JADE3: variants seen among roughly 807,000 people sequenced by gnomAD.
JADE3 encodes the protein protein Jade-3.
JADE3 carries 2 observed loss-of-function variants against 50.1 expected under a neutral mutation model. The observed-to-expected ratio is 0.04, with a 90% CI of 0.02 to 0.13. JADE3 has a LOEUF of 0.13. Ranked by LOEUF, JADE3 falls within the 10% of genes least tolerant of loss-of-function variation. The pLI is 1.00. For synonymous variants in JADE3, 218 were observed against 232.9 expected (o/e 0.94, Z 0.58); for missense variants, 475 against 634.4 (o/e 0.75, Z 2.70).
chrX:46,923,362 C>T (rs1047335750), intron 1 of JADE3, among the ~76,000 whole-genome samples: 8 of 85,678 alleles, frequency 9.3e-5, no homozygotes, highest in Non-Finnish European at 1.9e-4. Context: ...GCTGTGGGTA[C>T]CAGAGATTTC....
chrX:46,954,802 A>T (rs201733812), intron 1 of JADE3, among the ~76,000 whole-genome samples: 1 of 111,680 alleles, frequency 9.0e-6, no homozygotes, highest in Non-Finnish European at 1.9e-5. Context: ...TGATCTGCCC[A>T]CCTTGGCCTC....
chrX:46,970,983 T>C (rs1556350112), intron 1 of JADE3, among the ~76,000 whole-genome samples: 1 of 111,316 alleles, frequency 9.0e-6, no homozygotes, highest in African/African-American at 3.3e-5. Context: ...GCATCTCTTA[T>C]TGATTTACTT....
At chrX:46,973,706 C>T (rs1248774514) in intron 1 of JADE3, among the ~76,000 whole-genome samples, 2 of 112,260 alleles carry the variant, frequency 1.8e-5, no homozygotes, top group Non-Finnish European at 3.8e-5. Flanking sequence ...AACTGTCTTA[C>T]TATAGAGGTT....
chrX:46,948,499 C>G (rs1379532329), intron 1 of JADE3, among the ~76,000 whole-genome samples: 2 of 111,540 alleles, frequency 1.8e-5, no homozygotes, highest in East Asian at 5.6e-4. Flanking sequence ...TTAAGTGTTC[C>G]TAATCATTGG....
At chrX:46,915,730 T>C (rs1222957921) in intron 1 of JADE3, among the ~76,000 whole-genome samples, 1 of 109,237 alleles carries the variant, frequency 9.2e-6, no homozygotes, top group East Asian at 2.8e-4. Context: ...CCATTAGAAC[T>C]GCCTCTGTGC....
At chrX:47,010,569 A>T (rs1556361375) in intron 4 of JADE3, among the ~76,000 whole-genome samples, 1 of 112,028 alleles carries the variant, frequency 8.9e-6, no homozygotes. Flanking sequence ...TCACCCTTTT[A>T]AATTATATGG....
At chrX:47,040,786 T>C (rs2146984093) in intron 8 of JADE3, among the ~76,000 whole-genome samples, 1 of 111,034 alleles carries the variant, frequency 9.0e-6, no homozygotes, top group African/African-American at 3.3e-5. Context: ...GGCATGATAA[T>C]ATTTTCCAGG....
At chrX:46,986,751 C>T (rs1556354671) in intron 3 of JADE3, among the ~76,000 whole-genome samples, 1 of 111,778 alleles carries the variant, frequency 8.9e-6, no homozygotes, top group East Asian at 2.8e-4. Context: ...ATCTTTTCCA[C>T]AAAGGGCAGC....
intron 1 of JADE3, among the ~76,000 whole-genome samples, chrX:46,980,111 C>T (rs906214050): frequency 9.1e-6 from 1 of 109,390 alleles, no homozygotes; most frequent in African/African-American, 3.3e-5. Context: ...AACTCCTGAC[C>T]TCAAATGATC....
chrX:47,055,998 G>T, intron 9 of JADE3, 84 bp from the exon 10 acceptor site: 4 of 566,479 alleles, frequency 7.1e-6, no homozygotes, highest in Non-Finnish European at 9.0e-6. Flanking sequence ...CTGACTTTAG[G>T]TCTTTATTTT....
intron 1 of JADE3, among the ~76,000 whole-genome samples, chrX:46,918,580 C>T (rs782369692): frequency 8.9e-6 from 1 of 112,185 alleles, no homozygotes; most frequent in South Asian, 3.7e-4. Flanking sequence ...AGGCCACAAA[C>T]ATATTTACTT....
rs188287622 is a variant in JADE3, at chrX:46,922,179, G to C, written c.-12+9460G>C. ...GAATGAGAACATGTGGTGTTTGGCT[G>C]TCTGTTCCCGCGTTAGTTTGAGGCT... On this transcript the variant is annotated intron_variant, in intron 1 of 10. Coordinates refer to ENST00000614628, the MANE Select transcript of JADE3 (RefSeq NM_014735.5). Among the ~76,000 whole-genome samples, 365 of 110,133 alleles carry C rather than the reference G, an allele frequency of 3.3e-3. 1 individual carries two copies. The highest frequency in any genetic ancestry group is 0.012 in the African/African-American group (350 of 30,231).
At chrX:46,992,008 C>T (rs782212771) in intron 3 of JADE3, among the ~76,000 whole-genome samples, 8 of 110,525 alleles carry the variant, frequency 7.2e-5, no homozygotes, top group Non-Finnish European at 1.3e-4. Flanking sequence ...TGCCACTGCC[C>T]CCTGTTCCCT....
At chrX:46,948,545 A>C (rs781975193) in intron 1 of JADE3, among the ~76,000 whole-genome samples, 1 of 112,259 alleles carries the variant, frequency 8.9e-6, no homozygotes, top group Admixed American at 9.5e-5. Flanking sequence ...TATATTATTG[A>C]TAGTTCAGCA....
chrX:46,963,019 AGTAGAGACGGG>A (rs1927295553), intron 1 of JADE3, among the ~76,000 whole-genome samples: 2 of 110,866 alleles, frequency 1.8e-5, no homozygotes, highest in South Asian at 7.7e-4. Flanking sequence ...TTGTATTGTT[AGTAGAGACGGG>A]GTTTCACCAT....
At chrX:46,988,861 A>G (rs1240343415) in intron 3 of JADE3, among the ~76,000 whole-genome samples, 1 of 112,048 alleles carries the variant, frequency 8.9e-6, no homozygotes, top group Non-Finnish European at 1.9e-5. Context: ...TTATTTTGAG[A>G]CGGAGTCTCG....
intron 1 of JADE3, among the ~76,000 whole-genome samples, chrX:46,921,564 C>CG (rs1331244440): frequency 8.9e-6 from 1 of 111,814 alleles, no homozygotes; most frequent in Non-Finnish European, 1.9e-5. Flanking sequence ...AGAAGGCCAA[C>CG]GTGCACGATT....
Position 47,058,662 on chromosome X carries a change from T to A in JADE3, c.2057T>A (p.Met686Lys), listed in dbSNP as rs781838736. 2 of 1,211,519 alleles carry A rather than the reference T, an allele frequency of 1.7e-6. No homozygotes were observed. The highest frequency in any genetic ancestry group is 4.3e-5 in the Admixed American group (2 of 45,984). The change falls in exon 11 of 11, where the codon ATG becomes AAG. Residue 686 changes from methionine (M) to lysine (K), a missense_variant. Met to Lys is a moderately conservative substitution (Grantham distance 95). Coordinates refer to ENST00000614628, the MANE Select transcript of JADE3 (RefSeq NM_014735.5). ...ACCCAAAAAGACAGCTCGAGTGAGA[T>A]GTTCTGTGACCAGGAGCCTGTGTTC... ...NVTQKDSSSE[M>K]FCDQEPVFSP...
At chrX:46,948,961 A>G (rs1392384147) in intron 1 of JADE3, among the ~76,000 whole-genome samples, 2 of 110,985 alleles carry the variant, frequency 1.8e-5, no homozygotes, top group African/African-American at 6.5e-5. Flanking sequence ...TTTTTGAGAC[A>G]GGGTCTTTGT....
Sources: allele counts gnomAD v4.1 joint callset (sites outside exome capture counted in the v4.1 genomes callset), GRCh38; gene constraint gnomAD v4.1.1; transcripts MANE v1.5; gene names NCBI Gene and HGNC (gene_info 2026-07-23, HGNC 2026-07-21).